Variants in EPB41L4A observed in about 807,000 individuals in gnomAD.
EPB41L4A encodes erythrocyte membrane protein band 4.1 like 4A.
In EPB41L4A, 100 loss-of-function variants were observed where a neutral mutation model predicts 108.6. The observed-to-expected ratio is 0.92, with a 90% CI of 0.78 to 1.09. The LOEUF (loss-of-function observed/expected upper bound fraction) is 1.09, where lower values mean the gene tolerates loss of function less well. EPB41L4A is among the 50% of genes least tolerant of loss of function. EPB41L4A has a pLI of 0.00. For synonymous variants in EPB41L4A, 319 were observed against 289.0 expected (o/e 1.10, Z -1.05); for missense variants, 1,030 against 842.7 (o/e 1.22, Z -2.75).
chr5:112,329,351 T>C (rs1756400910), intron 1 of EPB41L4A, among the ~76,000 whole-genome samples: 1 of 152,226 alleles, frequency 6.6e-6, no homozygotes, highest in African/African-American at 2.4e-5. Context: ...GTGAAGTTTT[T>C]CTTACCAAAG....
At chr5:112,192,995 TAAG>T (rs555744958) in intron 17 of EPB41L4A, among the ~76,000 whole-genome samples, 196 of 152,322 alleles carry the variant, frequency 1.3e-3, no homozygotes, top group African/African-American at 4.1e-3. Context: ...AGAGGATACT[TAAG>T]AAGGAGCTAC....
At chr5:112,193,839 A>G (rs1318079445) in intron 17 of EPB41L4A, among the ~76,000 whole-genome samples, 6 of 152,184 alleles carry the variant, frequency 3.9e-5, no homozygotes, top group African/African-American at 1.4e-4. Flanking sequence ...ACATTGCCAA[A>G]TGTCCTTGGG....
At chr5:112,349,977 G>A (rs1757938348) in intron 1 of EPB41L4A, among the ~76,000 whole-genome samples, 2 of 152,218 alleles carry the variant, frequency 1.3e-5, no homozygotes, top group Admixed American at 1.3e-4. Flanking sequence ...CGACGACAGT[G>A]TGAAGGATGG....
intron 11 of EPB41L4A, among the ~76,000 whole-genome samples, chr5:112,236,787 C>G (rs1749368125): frequency 6.6e-6 from 1 of 152,168 alleles, no homozygotes; most frequent in Admixed American, 6.5e-5. Context: ...CCCAGCTTTG[C>G]CACTTACTGA....
intron 2 of EPB41L4A, among the ~76,000 whole-genome samples, chr5:112,304,387 C>G (rs943792860): frequency 4.6e-5 from 7 of 152,096 alleles, no homozygotes; most frequent in African/African-American, 1.7e-4. Flanking sequence ...AACCAAGGCC[C>G]TAATATGAGA....
intron 3 of EPB41L4A, among the ~76,000 whole-genome samples, chr5:112,279,305 G>C (rs1392480596): frequency 6.6e-6 from 1 of 152,038 alleles, no homozygotes; most frequent in Non-Finnish European, 1.5e-5. Flanking sequence ...TCCTGCCCTT[G>C]GATCCATGGA....
At chr5:112,246,997 T>C (rs1271827033) in intron 9 of EPB41L4A, among the ~76,000 whole-genome samples, 1 of 152,222 alleles carries the variant, frequency 6.6e-6, no homozygotes, top group Non-Finnish European at 1.5e-5. Flanking sequence ...TTGAGACTTG[T>C]CTCGTTATTT....
In EPB41L4A at chr5:112,249,576, T is replaced by G. The variant is rs191491993; in HGVS notation, c.796-8766A>C. ...TCTGTTTTAATGGCTTTCCTCATAT[T>G]TTTTCATGCTCTCTTTTCTAGGCAT... On this transcript the variant is annotated intron_variant, in intron 9 of 22. Coordinates refer to ENST00000261486, the MANE Select transcript of EPB41L4A (RefSeq NM_022140.5). 4.0e-4 allele frequency: 61 copies of G among 152,302 alleles called. 1 individual carries two copies. The highest frequency in any genetic ancestry group is 1.4e-3 in the African/African-American group (58 of 41,558). The allele number at this position is 152,302 out of a possible 1,614,324, so 9.4% of individuals were successfully genotyped here. A position where few individuals can be genotyped will look rare whatever the true frequency, so the allele number is the denominator to read the frequency against.
chr5:112,330,425 T>C (rs1756488087), intron 1 of EPB41L4A, among the ~76,000 whole-genome samples: 1 of 152,138 alleles, frequency 6.6e-6, no homozygotes, highest in African/African-American at 2.4e-5. Context: ...CATTTCTTTT[T>C]TAAGGGAAAA....
chr5:112,339,502 ATATATATAGATATATAGATATATATC>A (rs1757149218), intron 1 of EPB41L4A, among the ~76,000 whole-genome samples: 5 of 102,496 alleles, frequency 4.9e-5, no homozygotes, highest in Admixed American at 2.8e-4. Context: ...ATATCTATAT[ATATATATAGATATATAGATATATATC>A]TATATATATA....
At chr5:112,197,406 T>A (rs536038314) in intron 15 of EPB41L4A, among the ~76,000 whole-genome samples, 1 of 152,310 alleles carries the variant, frequency 6.6e-6, no homozygotes, top group South Asian at 2.1e-4. Flanking sequence ...TGAACAGCAA[T>A]ATGTGGTCTC....
intron 17 of EPB41L4A, among the ~76,000 whole-genome samples, chr5:112,190,839 A>G (rs1761661614): frequency 6.6e-6 from 1 of 152,164 alleles, no homozygotes; most frequent in Non-Finnish European, 1.5e-5. Context: ...ATTCTGTGTC[A>G]TACCATTGGC....
In EPB41L4A at chr5:112,270,576, T is replaced by C. The variant is rs149945622; in HGVS notation, c.336-4246A>G. On this transcript the variant is annotated intron_variant, in intron 4 of 22. Transcript: ENST00000261486. The stretch of plus-strand genomic sequence containing the variant: ...CCAATGATGAAAATATGGAAACAAA[T>C]AGCAGTAACATCACCTTACATTTAT... Among the ~76,000 whole-genome samples the C allele has an allele frequency of 9.4e-4, 143 of 152,194 alleles. No homozygotes were observed. In the East Asian group the frequency reaches 0.018, roughly 19 times the overall value.
At chr5:112,348,963 C>T (rs1221423064) in intron 1 of EPB41L4A, among the ~76,000 whole-genome samples, 12 of 152,100 alleles carry the variant, frequency 7.9e-5, no homozygotes, top group Non-Finnish European at 1.2e-4. Flanking sequence ...AGACAATGTA[C>T]AGAGAATTCT....
intron 12 of EPB41L4A, among the ~76,000 whole-genome samples, chr5:112,226,650 T>A (rs1043400193): frequency 6.0e-5 from 9 of 151,170 alleles, no homozygotes; most frequent in Non-Finnish European, 1.3e-4. Context: ...TGGAGAGCAG[T>A]GAAGATCTGA....
downstream of EPB41L4A, chr5:112,160,856 A>G (rs895484575): frequency 1.9e-5 from 3 of 156,194 alleles, no homozygotes; most frequent in Admixed American, 6.5e-5. Flanking sequence ...TGTGGGACGG[A>G]AGCCTGTCCT....
chr5:112,189,417 C>G (rs145071409), intron 17 of EPB41L4A, among the ~76,000 whole-genome samples: 14 of 152,326 alleles, frequency 9.2e-5, no homozygotes, highest in East Asian at 7.7e-4. Context: ...CTCAAAGCCA[C>G]AGAATTCTTC....
Position 112,166,119 on chromosome 5 carries a change from A to G in EPB41L4A, c.1933-1001T>C, listed in dbSNP as rs181674885. Among the ~76,000 whole-genome samples the G allele has an allele frequency of 7.7e-4, 118 of 152,278 alleles. No individual in the cohort carries two copies. In the Middle Eastern group the frequency reaches 0.01, roughly 13 times the overall value. On this transcript the variant is annotated intron_variant, in intron 22 of 22. Transcript: ENST00000261486. ...AGTTTGTCTAGGATTGAATCTGTCC[A>G]CTCTGCAGACCTTAAGAAATTAAGT...
chr5:112,169,951 C>A, intron 20 of EPB41L4A: 1 of 261,292 alleles, frequency 3.8e-6, no homozygotes, highest in South Asian at 4.5e-5. Flanking sequence ...GGACTGGGCT[C>A]ATATGAGAGT....
Sources: gnomAD v4.1 joint callset for allele counts (sites outside exome capture counted in the v4.1 genomes callset) on GRCh38, gnomAD v4.1.1 for gene constraint, MANE v1.5 for transcripts, NCBI Gene and HGNC (gene_info 2026-07-23, HGNC 2026-07-21) for gene names.